The following IFT88 variants were observed in gnomAD, a reference collection of about 807,000 sequenced individuals.
The protein encoded by IFT88 is intraflagellar transport protein 88 homolog.
IFT88 carries 74 observed loss-of-function variants against 119.5 expected under a neutral mutation model. The ratio of observed to expected loss-of-function variants is 0.62; its 90% CI spans 0.51 to 0.75. IFT88 has a LOEUF of 0.75. Ranked by LOEUF, IFT88 falls within the 30% of genes least tolerant of loss-of-function variation. The pLI, the probability that IFT88 is intolerant of heterozygous loss-of-function variation, is 0.00. For synonymous variants in IFT88, 279 were observed against 316.7 expected, an observed-to-expected ratio of 0.88 and a Z score of 1.26; for missense variants, 961 against 977.7, an observed-to-expected ratio of 0.98 and a Z score of 0.23.
intron 15 of IFT88, among the ~76,000 whole-genome samples, chr13:20,630,277 T>G (rs2048000768): frequency 6.6e-6 from 1 of 152,184 alleles, no homozygotes; most frequent in Non-Finnish European, 1.5e-5. Flanking sequence ...AGTCTGAACA[T>G]TTTCTGGGAC....
At chr13:20,603,405 A>G (rs1177536572) in intron 12 of IFT88, among the ~76,000 whole-genome samples, 2 of 149,338 alleles carry the variant, frequency 1.3e-5, no homozygotes, top group African/African-American at 5.0e-5. Context: ...AAAAAAAAAG[A>G]TTATAAGAGT....
intron 24 of IFT88, among the ~76,000 whole-genome samples, chr13:20,671,559 G>A (rs1423659912): frequency 1.3e-5 from 2 of 152,138 alleles, no homozygotes; most frequent in Non-Finnish European, 1.5e-5. Context: ...TAGGCTTTTG[G>A]TGATTTCTGA....
In IFT88 at chr13:20,625,839, A is replaced by G. The variant is rs957162315; in HGVS notation, c.1289A>G (p.Asp430Gly). ...GCAGTTACATACTTGAGACAAAAAG[A>G]CTATAACCAAGTAAGTTTTAAAAAA... Reference protein sequence around the residue: ...NKAVTYLRQKDYNQAVEILKV... With the variant: ...NKAVTYLRQKGYNQAVEILKV... Residue 430 changes from aspartate to glycine, a missense_variant, in exon 15 of 26, where the codon GAC (aspartate) becomes GGC (glycine). Physicochemically the swap from Asp to Gly is moderately conservative, Grantham distance 94. Coordinates refer to ENST00000351808, the MANE Select transcript of IFT88 (RefSeq NM_006531.5). 1 of 1,581,664 alleles carries G rather than the reference A, an allele frequency of 6.3e-7. No homozygotes were observed. Among genetic ancestry groups the G allele is most frequent in the Non-Finnish European group, 8.6e-7 (1 of 1,168,038 alleles).
At chr13:20,659,861 C>G (rs914671733) in intron 22 of IFT88, among the ~76,000 whole-genome samples, 1 of 152,174 alleles carries the variant, frequency 6.6e-6, no homozygotes, top group African/African-American at 2.4e-5. Flanking sequence ...CCAGGCTGGT[C>G]TTGAACTCCT....
rs999072029 is a variant in IFT88 at position 20,641,160 on chromosome 13, C to T, written c.1574-130C>T. On this transcript the variant is annotated intron_variant, in intron 17 of 25. Coordinates refer to ENST00000351808, the MANE Select transcript of IFT88 (RefSeq NM_006531.5). ...GAGACCCTGTATCAAAAAACAAAAACCTGAGTTCATCTTCATTTTCTCTTC... is the reference window on the plus strand; with the variant it reads ...GAGACCCTGTATCAAAAAACAAAAATCTGAGTTCATCTTCATTTTCTCTTC... 5.2e-5 allele frequency: 32 copies of T among 609,896 alleles called. No homozygotes were observed. The African/African-American group carries it at 5.5e-4, about 11-fold the overall frequency. The allele number at this position is 609,896 out of a possible 1,614,324, so 37.8% of individuals were successfully genotyped here. A position where few individuals can be genotyped will look rare whatever the true frequency, so the allele number is the denominator to read the frequency against.
chr13:20,652,503 G>A (rs1273119785), intron 20 of IFT88, among the ~76,000 whole-genome samples: 7 of 152,006 alleles, frequency 4.6e-5, no homozygotes, highest in Non-Finnish European at 7.4e-5. Context: ...CCATGGCAGT[G>A]TGTGCCAGTG....
chr13:20,666,020 G>T (rs183920384), intron 23 of IFT88, among the ~76,000 whole-genome samples: 45 of 152,272 alleles, frequency 3.0e-4, no homozygotes, highest in Admixed American at 2.7e-3. Context: ...TTGAATTTAC[G>T]GTCAGCCAGT....
chr13:20,635,055 T>C (rs184854156), intron 16 of IFT88, among the ~76,000 whole-genome samples: 1,835 of 150,004 alleles, frequency 0.012, 42 homozygotes, highest in African/African-American at 0.043. Flanking sequence ...CAGTGTTTGG[T>C]TTTTTGTCCT....
At chr13:20,593,915 G>C (rs2041182802) in intron 7 of IFT88, among the ~76,000 whole-genome samples, 1 of 151,990 alleles carries the variant, frequency 6.6e-6, no homozygotes, top group Non-Finnish European at 1.5e-5. Context: ...GCTGGGTATG[G>C]TGGCACACAC....
intron 7 of IFT88, among the ~76,000 whole-genome samples, chr13:20,593,576 G>A (rs994696435): frequency 2.6e-5 from 4 of 150,996 alleles, no homozygotes; most frequent in African/African-American, 9.7e-5. Context: ...CCAGTATTTA[G>A]GCTTTCGTGT....
intron 13 of IFT88, among the ~76,000 whole-genome samples, chr13:20,608,564 A>G (rs2043916341): frequency 6.6e-6 from 1 of 152,276 alleles, no homozygotes; most frequent in Middle Eastern, 3.4e-3. Flanking sequence ...GCTGTAGACC[A>G]TGGGCTGGCA....
rs1402769479 is a variant in IFT88 at position 20,568,013 on chromosome 13, T to TA, written c.-7+765dup. On this transcript the variant is annotated intron_variant, in intron 1 of 25. Transcript: ENST00000351808. Reference sequence around the variant, plus strand: ...AAACACTAAGGTAGCCGATGAGCTTTAAAAAAAATCGCAAAAAAGAATCTC... The same window carrying TA: ...AAACACTAAGGTAGCCGATGAGCTTTAAAAAAAAATCGCAAAAAAGAATCTC... 7.7e-5 allele frequency: 55 copies of TA among 713,058 alleles called. No individual in the cohort carries two copies. The highest frequency in any genetic ancestry group is 2.5e-4 in the African/African-American group (14 of 57,086). 44.2% of individuals were successfully genotyped at this position (713,058 alleles called of 1,614,324 possible).
intron 17 of IFT88, among the ~76,000 whole-genome samples, chr13:20,640,427 G>A (rs1266143482): frequency 6.6e-6 from 1 of 151,826 alleles, no homozygotes; most frequent in Non-Finnish European, 1.5e-5. Context: ...TAAAAAATTA[G>A]CCAGGCGTGA....
intron 20 of IFT88, among the ~76,000 whole-genome samples, chr13:20,649,794 G>T (rs2051325380): frequency 6.6e-6 from 1 of 152,024 alleles, no homozygotes; most frequent in Non-Finnish European, 1.5e-5. Flanking sequence ...ACTAAGATTA[G>T]AAATGCAAGT....
Position 20,668,197 on chromosome 13 carries a change from TG to T in IFT88, c.2176-2775del, listed in dbSNP as rs2055083379. Among the ~76,000 whole-genome samples, 3 of 152,212 alleles carry T rather than the reference TG, an allele frequency of 2.0e-5. No homozygotes were observed. In the South Asian group the frequency reaches 6.2e-4, roughly 31 times the overall value. On this transcript the variant is annotated intron_variant, in intron 23 of 25. Transcript: ENST00000351808. ...CGGTGGGGCATCACAGAGTCTGTCC[TG>T]TTGCCTGGTGGGATTGCTGTCTGCA...
At chr13:20,653,579 C>T (rs1419864778) in intron 20 of IFT88, among the ~76,000 whole-genome samples, 1 of 149,612 alleles carries the variant, frequency 6.7e-6, no homozygotes, top group East Asian at 2.1e-4. Context: ...AGTAATGATC[C>T]TTTAAGTTTA....
intron 7 of IFT88, among the ~76,000 whole-genome samples, chr13:20,593,415 T>G (rs1321664942): frequency 6.6e-6 from 1 of 151,954 alleles, no homozygotes; most frequent in African/African-American, 2.4e-5. Context: ...AGGCTTAGAT[T>G]CAAACCCAGT....
rs758208247 is a variant in IFT88 at position 20,591,589 on chromosome 13, A to T, written c.265-29A>T. 3.2e-6 allele frequency: 5 copies of T among 1,549,938 alleles called. No homozygotes were observed. In the Admixed American group the frequency reaches 5.1e-5, roughly 16 times the overall value. On this transcript the variant is annotated intron_variant, in intron 5 of 25. Coordinates refer to ENST00000351808, the MANE Select transcript of IFT88 (RefSeq NM_006531.5). ...GTACATAGGAGATAGATCTTATTTA[A>T]GAATAAATGATTCCCATTCTCTTTA...
At chr13:20,591,545 G>A (rs1329658233) in intron 5 of IFT88, 73 bp from the exon 6 acceptor site, 3 of 1,089,108 alleles carry the variant, frequency 2.8e-6, no homozygotes, top group South Asian at 2.7e-5. Flanking sequence ...ATATTAAGGT[G>A]TGTGTAATGT....
Sources: gnomAD v4.1 joint callset for allele counts (sites outside exome capture counted in the v4.1 genomes callset) on GRCh38, gnomAD v4.1.1 for gene constraint, MANE v1.5 for transcripts, NCBI Gene and HGNC (gene_info 2026-07-23, HGNC 2026-07-21) for gene names.